Variants in ATG4C observed in about 807,000 individuals in gnomAD.
The protein encoded by ATG4C is autophagy related 4C cysteine peptidase.
In ATG4C, 56 loss-of-function variants were observed where a neutral mutation model predicts 57.6. The observed-to-expected ratio is 0.97, with a 90% CI of 0.78 to 1.21. The LOEUF (loss-of-function observed/expected upper bound fraction) is 1.21. Among genes scored for constraint, ATG4C ranks in the 50% most tolerant of loss-of-function variants. The pLI is 0.00. For missense variants in ATG4C, 595 were observed against 529.8 expected (o/e 1.12, Z -1.21); for synonymous variants, 157 against 174.1 (o/e 0.90, Z 0.78).
In ATG4C at chr1:62,851,797, GA is replaced by G. The variant is rs1279733687; in HGVS notation, c.1209+10257del. Among the ~76,000 whole-genome samples, 11 of 152,166 alleles carry G rather than the reference GA, an allele frequency of 7.2e-5. No individual in the cohort carries two copies. The East Asian group carries it at 2.1e-3, about 29-fold the overall frequency. ...CTAACTCCAAGAAAAACAAAGCTTAGAAAAAAAGGAATGTAAGATAATTGTT... is the reference window on the plus strand; with the variant it reads ...CTAACTCCAAGAAAAACAAAGCTTAGAAAAAAGGAATGTAAGATAATTGTT... On this transcript the variant is annotated intron_variant, in intron 10 of 10. Coordinates refer to ENST00000317868, the MANE Select transcript of ATG4C (RefSeq NM_032852.4).
At chr1:62,842,457 A>G (rs1666202157) in intron 10 of ATG4C, among the ~76,000 whole-genome samples, 1 of 152,004 alleles carries the variant, frequency 6.6e-6, no homozygotes, top group African/African-American at 2.4e-5. Context: ...ATGTGCCACC[A>G]TGCCTGGCTA....
chr1:62,837,361 A>G (rs2100340741), intron 9 of ATG4C, among the ~76,000 whole-genome samples: 1 of 152,288 alleles, frequency 6.6e-6, no homozygotes, highest in East Asian at 1.9e-4. Context: ...GGAATGGAGC[A>G]CATGGTTCAG....
chr1:62,790,435 C>T (rs2100275971), intron 1 of ATG4C, among the ~76,000 whole-genome samples: 1 of 152,274 alleles, frequency 6.6e-6, no homozygotes, highest in East Asian at 1.9e-4. Context: ...ATACCGCTTC[C>T]AGCAACAGAT....
At chr1:62,847,384 T>G (rs889888600) in intron 10 of ATG4C, among the ~76,000 whole-genome samples, 5 of 152,186 alleles carry the variant, frequency 3.3e-5, no homozygotes, top group Non-Finnish European at 5.9e-5. Context: ...CATGAACTTA[T>G]AGTCCAGTGG....
chr1:62,854,105 C>T (rs949411241), intron 10 of ATG4C, among the ~76,000 whole-genome samples: 1 of 151,100 alleles, frequency 6.6e-6, no homozygotes, highest in Non-Finnish European at 1.5e-5. Context: ...CATAGAATTC[C>T]TTTCTTTTTT....
rs1308954272 is a variant in ATG4C at position 62,819,274 on chromosome 1, A to G, written c.664A>G (p.Lys222Glu). ...FGLHQLIEYG[K>E]KSGKKAGDWY... ...CTTACATCAACTAATAGAATATGGA[A>G]AGAAGTCTGGGAAAAAAGCAGGAGA... The change falls in exon 5 of 11, where the codon AAG (lysine) becomes GAG (glutamate). Residue 222 changes from lysine to glutamate, a missense_variant. Physicochemically the swap from Lys to Glu is moderately conservative, Grantham distance 56. Coordinates refer to ENST00000317868, the MANE Select transcript of ATG4C (RefSeq NM_032852.4). 1 of 1,612,684 alleles carries G rather than the reference A, an allele frequency of 6.2e-7. No individual in the cohort carries two copies. Among genetic ancestry groups the G allele is most frequent in the South Asian group, 1.1e-5 (1 of 90,682 alleles).
At chr1:62,795,621 G>A (rs1293286603) in intron 1 of ATG4C, among the ~76,000 whole-genome samples, 1 of 152,100 alleles carries the variant, frequency 6.6e-6, no homozygotes, top group Non-Finnish European at 1.5e-5. Context: ...AGGTGATAAG[G>A]TTGTTGTAGT....
Position 62,829,022 on chromosome 1 carries a change from T to G in ATG4C, c.797-18T>G, listed in dbSNP as rs761878419. 12 of 1,588,440 alleles carry G rather than the reference T, an allele frequency of 7.6e-6. No individual in the cohort carries two copies. The highest frequency in any genetic ancestry group is 1.8e-5 in the Admixed American group (1 of 54,876). On this transcript the variant is annotated intron_variant, in intron 6 of 10. Coordinates refer to ENST00000317868, the MANE Select transcript of ATG4C (RefSeq NM_032852.4). ...CTTTTATATAAAATTTAATACATAT[T>G]CATTATGTTTTTCTCAGTTTACAAT...
chr1:62,854,019 C>G (rs1377503545), intron 10 of ATG4C, among the ~76,000 whole-genome samples: 5 of 151,822 alleles, frequency 3.3e-5, no homozygotes, highest in African/African-American at 7.3e-5. Context: ...TACCTTCTAC[C>G]TATTCTGTTG....
intron 2 of ATG4C, among the ~76,000 whole-genome samples, chr1:62,804,382 G>T (rs1664786585): frequency 6.6e-6 from 1 of 151,946 alleles, no homozygotes; most frequent in African/African-American, 2.4e-5. Flanking sequence ...GAGCCACTGG[G>T]CCTGGCCTTT....
chr1:62,821,477 A>G (rs1665480771), intron 6 of ATG4C, among the ~76,000 whole-genome samples: 1 of 152,132 alleles, frequency 6.6e-6, no homozygotes, highest in Non-Finnish European at 1.5e-5. Flanking sequence ...AAAATTTAAC[A>G]TAGGTATATA....
At chr1:62,816,898 A>G (rs952276370) in intron 4 of ATG4C, 90 bp downstream of exon 4, 5 of 998,920 alleles carry the variant, frequency 5.0e-6, no homozygotes, top group Admixed American at 6.2e-5. Context: ...AAACTGCATG[A>G]AATTCCCTGA....
At chr1:62,857,201 C>T (rs1033753686) in intron 10 of ATG4C, among the ~76,000 whole-genome samples, 10 of 152,096 alleles carry the variant, frequency 6.6e-5, no homozygotes, top group Admixed American at 4.6e-4. Context: ...GGCGGGTTAG[C>T]GAGCGAAGCT....
intron 6 of ATG4C, among the ~76,000 whole-genome samples, chr1:62,826,587 CT>C (rs1010841720): frequency 6.9e-5 from 10 of 145,534 alleles, no homozygotes; most frequent in South Asian, 2.2e-4. Context: ...ACCATCATCT[CT>C]TTTTTTCTTT....
rs57225222 is a variant in ATG4C at position 62,861,576 on chromosome 1, AACACACACACAC to A, written c.1210-2376_1210-2365del. On this transcript the variant is annotated intron_variant, in intron 10 of 10. Coordinates refer to ENST00000317868, the MANE Select transcript of ATG4C (RefSeq NM_032852.4). ...CAGAAGAAAGAAGCTTGGAAAATAG[AACACACACACAC>A]ACACACACACACACACACACACACA... Among the ~76,000 whole-genome samples, 555 of 133,554 alleles carry A rather than the reference AACACACACACAC, an allele frequency of 4.2e-3. 7 individuals carry two copies. The highest frequency in any genetic ancestry group is 0.014 in the African/African-American group (499 of 34,998). 87.6% of individuals were successfully genotyped at this position (133,554 alleles called of 152,430 possible).
At chr1:62,816,895 A>C in intron 4 of ATG4C, 87 bp downstream of exon 4, 1 of 1,028,680 alleles carries the variant, frequency 9.7e-7, no homozygotes, top group Non-Finnish European at 1.4e-6. Flanking sequence ...TACAAACTGC[A>C]TGAAATTCCC....
intron 3 of ATG4C, among the ~76,000 whole-genome samples, chr1:62,806,438 A>G (rs1421137640): frequency 1.3e-5 from 2 of 152,076 alleles, no homozygotes; most frequent in Non-Finnish European, 2.9e-5. Context: ...TATGTCTGAT[A>G]CATATAAGCA....
chr1:62,825,121 A>G (rs1665605515), intron 6 of ATG4C, among the ~76,000 whole-genome samples: 1 of 151,908 alleles, frequency 6.6e-6, no homozygotes, highest in African/African-American at 2.4e-5. Context: ...CTGTAGTCCC[A>G]GCTACTCGGG....
chr1:62,802,275 A>G (rs954831941), intron 1 of ATG4C, among the ~76,000 whole-genome samples: 1 of 152,044 alleles, frequency 6.6e-6, no homozygotes, highest in East Asian at 1.9e-4. Flanking sequence ...AGTCCAAGCT[A>G]TCATCTCCTA....
Sources: allele counts gnomAD v4.1 joint callset (sites outside exome capture counted in the v4.1 genomes callset), GRCh38; gene constraint gnomAD v4.1.1; transcripts MANE v1.5; gene names NCBI Gene and HGNC (gene_info 2026-07-23, HGNC 2026-07-21).